HPSE2: variants seen among roughly 807,000 people sequenced by gnomAD.
HPSE2 encodes the protein inactive heparanase-2.
In HPSE2, 38 loss-of-function variants were observed where a neutral mutation model predicts 60.5. The ratio of observed to expected loss-of-function variants is 0.63; its 90% CI spans 0.48 to 0.82. HPSE2 has a LOEUF of 0.82. Among genes scored for constraint, HPSE2 ranks in the 40% least tolerant of loss-of-function variants. The pLI is 0.00. For synonymous variants in HPSE2, 295 were observed against 293.2 expected (o/e 1.01, Z -0.06); for missense variants, 713 against 740.4 (o/e 0.96, Z 0.43).
chr10:98,752,241 A>G (rs969613582), intron 3 of HPSE2, among the ~76,000 whole-genome samples: 1 of 152,224 alleles, frequency 6.6e-6, no homozygotes, highest in Non-Finnish European at 1.5e-5. Context: ...TAAGGAAAAA[A>G]GTCAGAAAAA....
At chr10:98,877,844 G>C (rs567365281) in intron 3 of HPSE2, among the ~76,000 whole-genome samples, 1 of 151,998 alleles carries the variant, frequency 6.6e-6, no homozygotes, top group South Asian at 2.1e-4. Context: ...AATTTATTCA[G>C]TGTCTATTAT....
chr10:99,141,278 G>A (rs1845857860), intron 3 of HPSE2, among the ~76,000 whole-genome samples: 1 of 151,930 alleles, frequency 6.6e-6, no homozygotes, highest in Admixed American at 6.6e-5. Context: ...CGCCCCCATA[G>A]GTGAGTCAGT....
At chr10:99,306,937 C>T in the HPSE2 span, among the ~76,000 whole-genome samples, 21 of 152,086 alleles carry the variant, frequency 1.4e-4, no homozygotes, top group East Asian at 3.9e-3. Flanking sequence ...CTCGAACGCC[C>T]GACCTCAGGT....
intron 3 of HPSE2, among the ~76,000 whole-genome samples, chr10:99,095,929 G>A (rs1057410313): frequency 6.6e-6 from 1 of 151,944 alleles, no homozygotes; most frequent in Admixed American, 6.6e-5. Flanking sequence ...TACTTTCTTT[G>A]CTTGTATACA....
chr10:98,899,176 G>A (rs1953586828), intron 3 of HPSE2, among the ~76,000 whole-genome samples: 2 of 152,178 alleles, frequency 1.3e-5, no homozygotes, highest in Non-Finnish European at 1.5e-5. Flanking sequence ...GAAAGCAATT[G>A]CAAACGACAT....
At chr10:98,971,917 C>G (rs149533055) in intron 3 of HPSE2, among the ~76,000 whole-genome samples, 4 of 152,224 alleles carry the variant, frequency 2.6e-5, no homozygotes, top group Non-Finnish European at 4.4e-5. Context: ...TCCTATACCC[C>G]CTACTCTTAC....
chr10:98,833,484 T>C (rs1951727265), intron 3 of HPSE2, among the ~76,000 whole-genome samples: 1 of 152,198 alleles, frequency 6.6e-6, no homozygotes, highest in Non-Finnish European at 1.5e-5. Flanking sequence ...AATGATATTG[T>C]TATTAATAGG....
At chr10:99,205,832 C>G (rs1156438411) in intron 2 of HPSE2, among the ~76,000 whole-genome samples, 1 of 152,198 alleles carries the variant, frequency 6.6e-6, no homozygotes, top group Non-Finnish European at 1.5e-5. Flanking sequence ...GAGCACCAAC[C>G]TAAAATGCCA....
intron 6 of HPSE2, among the ~76,000 whole-genome samples, chr10:98,656,777 T>G (rs866214229): frequency 1.3e-3 from 195 of 151,252 alleles, no homozygotes; most frequent in African/African-American, 2.8e-3. Context: ...TTTTTTTTTT[T>G]TGGGATGGAG....
chr10:99,085,049 C>A (rs768587763), intron 3 of HPSE2, among the ~76,000 whole-genome samples: 5 of 152,214 alleles, frequency 3.3e-5, no homozygotes, highest in Admixed American at 6.5e-5. Flanking sequence ...TCACCCTTCA[C>A]GTGGCCTGTA....
intron 2 of HPSE2, among the ~76,000 whole-genome samples, chr10:99,230,953 C>A (rs1305018123): frequency 1.3e-5 from 2 of 152,198 alleles, no homozygotes; most frequent in Non-Finnish European, 2.9e-5. Context: ...TAAAGACTAT[C>A]TTTTACCTTT....
intron 3 of HPSE2, among the ~76,000 whole-genome samples, chr10:98,887,530 C>T (rs540832950): frequency 1.3e-5 from 2 of 152,070 alleles, no homozygotes; most frequent in African/African-American, 4.8e-5. Context: ...GCCATAGGGC[C>T]AGAAAAGACA....
chr10:98,589,791 T>C (rs1464491839), intron 9 of HPSE2, among the ~76,000 whole-genome samples: 3 of 152,232 alleles, frequency 2.0e-5, no homozygotes, highest in Non-Finnish European at 4.4e-5. Context: ...TGTTAACACA[T>C]AACTGCTTGA....
chr10:98,891,798 C>T (rs1270613431), intron 3 of HPSE2, among the ~76,000 whole-genome samples: 1 of 152,094 alleles, frequency 6.6e-6, no homozygotes, highest in African/African-American at 2.4e-5. Flanking sequence ...CTGACAGGCT[C>T]TTGCTCTGTT....
At chr10:98,651,303 T>C (rs948227052) in intron 6 of HPSE2, among the ~76,000 whole-genome samples, 2 of 151,012 alleles carry the variant, frequency 1.3e-5, no homozygotes, top group African/African-American at 4.9e-5. Flanking sequence ...CAGAAAGAGA[T>C]TGAGAGGGAG....
At chr10:99,254,746 G>C in the HPSE2 span, among the ~76,000 whole-genome samples, 1 of 152,114 alleles carries the variant, frequency 6.6e-6, no homozygotes, top group African/African-American at 2.4e-5. Context: ...ATAAGAAATG[G>C]AGTACTAATA....
the HPSE2 span, among the ~76,000 whole-genome samples, chr10:99,303,397 G>A: frequency 6.6e-6 from 1 of 152,128 alleles, no homozygotes; most frequent in South Asian, 2.1e-4. Flanking sequence ...ACTTAGGCCA[G>A]GTTCTGAAGG....
intron 9 of HPSE2, among the ~76,000 whole-genome samples, chr10:98,541,611 A>T (rs1490861651): frequency 1.3e-5 from 2 of 152,204 alleles, no homozygotes; most frequent in Non-Finnish European, 2.9e-5. Flanking sequence ...GGTCACTCCC[A>T]CCCGAATACT....
chr10:99,112,671 T>G (rs898309657), intron 3 of HPSE2, among the ~76,000 whole-genome samples: 2 of 152,150 alleles, frequency 1.3e-5, no homozygotes, highest in African/African-American at 4.8e-5. Flanking sequence ...CCCACCATAC[T>G]TCCACCCTCA....
Sources: gnomAD v4.1 joint callset for allele counts (sites outside exome capture counted in the v4.1 genomes callset) on GRCh38, gnomAD v4.1.1 for gene constraint, MANE v1.5 for transcripts, NCBI Gene and HGNC (gene_info 2026-07-23, HGNC 2026-07-21) for gene names.